Variants in CDK2AP1 observed in about 807,000 individuals in gnomAD.
CDK2AP1 encodes cyclin-dependent kinase 2-associated protein 1.
CDK2AP1 carries 10 observed loss-of-function variants against 14.1 expected under a neutral mutation model. That is an observed-to-expected ratio of 0.71 (90% confidence interval 0.44 to 1.20). The LOEUF (loss-of-function observed/expected upper bound fraction) is 1.20. Ranked by LOEUF, CDK2AP1 falls within the 50% of genes most tolerant of loss-of-function variation. The probability of loss-of-function intolerance (pLI) is 0.00; values close to 1 mark genes in which losing one functional copy is unlikely to be tolerated. For synonymous variants in CDK2AP1, 59 were observed against 59.8 expected (o/e 0.99, Z 0.06); for missense variants, 102 against 149.9 (o/e 0.68, Z 1.67).
chr12:123,270,800 G>A, intron 1 of CDK2AP1: 1 of 981,546 alleles, frequency 1.0e-6, no homozygotes. Context: ...TCCCAGATGG[G>A]GCGTCCACGT....
intron 2 of CDK2AP1, among the ~76,000 whole-genome samples, chr12:123,266,077 C>G (rs1226131627): frequency 6.6e-6 from 1 of 152,214 alleles, no homozygotes; most frequent in African/African-American, 2.4e-5. Flanking sequence ...GCCCGCAAGC[C>G]CACAAGCCCA....
At position 123,261,320 on chromosome 12, in the gene CDK2AP1, A is replaced by AGCGTGCTGTCAATAT. The variant is rs2048230497; in HGVS notation, c.*401_*415dup. 1 of 158,488 alleles carries AGCGTGCTGTCAATAT rather than the reference A, an allele frequency of 6.3e-6. No individual in the cohort carries two copies. Among genetic ancestry groups the AGCGTGCTGTCAATAT allele is most frequent in the South Asian group, 1.8e-4 (1 of 5,490 alleles). 9.8% of individuals were successfully genotyped at this position (158,488 alleles called of 1,614,324 possible). A position where few individuals can be genotyped will look rare whatever the true frequency, so the allele number is the denominator to read the frequency against. ...CAAATGGGAACCGGCTACTAAGTAAAGCGTGCTGTCAATATGCGTTCAAAA... is the reference window on the plus strand; with the variant it reads ...CAAATGGGAACCGGCTACTAAGTAAAGCGTGCTGTCAATATGCGTGCTGTCAATATGCGTTCAAAA... On this transcript the variant is annotated 3_prime_UTR_variant, in exon 4 of 4. Coordinates refer to ENST00000261692, the MANE Select transcript of CDK2AP1 (RefSeq NM_004642.4).
intron 3 of CDK2AP1, among the ~76,000 whole-genome samples, chr12:123,263,908 A>G (rs545588430): frequency 6.6e-6 from 1 of 150,524 alleles, no homozygotes; most frequent in South Asian, 2.1e-4. Context: ...AATCGAAACC[A>G]TCCTGGCCAA....
At position 123,261,673 on chromosome 12, in the gene CDK2AP1, G is replaced by T; in HGVS notation, c.*63C>A. 1 of 1,308,140 alleles carries T rather than the reference G, an allele frequency of 7.6e-7. No individual in the cohort carries two copies. Among genetic ancestry groups the T allele is most frequent in the Non-Finnish European group, 1.1e-6 (1 of 900,792 alleles). The allele number at this position is 1,308,140 out of a possible 1,614,324, so 81.0% of individuals were successfully genotyped here. On this transcript the variant is annotated 3_prime_UTR_variant, in exon 4 of 4. Coordinates refer to ENST00000261692, the MANE Select transcript of CDK2AP1 (RefSeq NM_004642.4). Reference sequence around the variant, plus strand: ...AAAACAAGGGTTTCATCTGAACAGGGGAGATGAACTGTAACTTCTCATCTT... The same window carrying T: ...AAAACAAGGGTTTCATCTGAACAGGTGAGATGAACTGTAACTTCTCATCTT...
Position 123,265,440 on chromosome 12 carries a change from T to G in CDK2AP1, c.154-118A>C. 1 of 940,826 alleles carries G rather than the reference T, an allele frequency of 1.1e-6. No individual in the cohort carries two copies. The highest frequency in any genetic ancestry group is 2.5e-5 in the East Asian group (1 of 40,582). The allele number at this position is 940,826 out of a possible 1,614,324, so 58.3% of individuals were successfully genotyped here. A position where few individuals can be genotyped will look rare whatever the true frequency, so the allele number is the denominator to read the frequency against. On this transcript the variant is annotated intron_variant, in intron 2 of 3. Transcript: ENST00000261692. The surrounding 1 kb of genome is among the most constrained non-coding windows in gnomAD (Gnocchi z 5.3). Reference sequence around the variant, plus strand: ...ACTGCTTGGACCCAGGAGGTGGAAGTTGCAGTGAGCCAAGATCACTCCACT... The same window carrying G: ...ACTGCTTGGACCCAGGAGGTGGAAGGTGCAGTGAGCCAAGATCACTCCACT...
intron 3 of CDK2AP1, among the ~76,000 whole-genome samples, chr12:123,264,853 G>T (rs1330825271): frequency 1.3e-5 from 2 of 152,088 alleles, no homozygotes; most frequent in Non-Finnish European, 2.9e-5. Flanking sequence ...GACCAGTGTC[G>T]GCCCACAGGA....
At chr12:123,270,540 G>A (rs1397516698) in intron 1 of CDK2AP1, among the ~76,000 whole-genome samples, 1 of 152,056 alleles carries the variant, frequency 6.6e-6, no homozygotes, top group African/African-American at 2.4e-5. Context: ...CTTTTGGGAA[G>A]TCTGTTTCCG....
chr12:123,270,826 C>T (rs887922602), intron 1 of CDK2AP1: 179 of 985,220 alleles, frequency 1.8e-4, no homozygotes, highest in Non-Finnish European at 2.1e-4. Context: ...ACTGCCCCCA[C>T]GCCCGCGCGC....
At chr12:123,267,435 A>G (rs2048308987) in intron 1 of CDK2AP1, 153 bp from the exon 2 acceptor site, 1 of 603,736 alleles carries the variant, frequency 1.7e-6, no homozygotes, top group African/African-American at 1.8e-5. Flanking sequence ...TGACCAGCAT[A>G]TAAGATGGAT....
At position 123,261,634 on chromosome 12, in the gene CDK2AP1, CTG is replaced by C. The variant is rs2048233465; in HGVS notation, c.*100_*101del. 3 of 979,274 alleles carry C rather than the reference CTG, an allele frequency of 3.1e-6. No individual in the cohort carries two copies. The highest frequency in any genetic ancestry group is 2.4e-5 in the East Asian group (1 of 41,152). 60.7% of individuals were successfully genotyped at this position (979,274 alleles called of 1,614,324 possible). A position where few individuals can be genotyped will look rare whatever the true frequency, so the allele number is the denominator to read the frequency against. On this transcript the variant is annotated 3_prime_UTR_variant, in exon 4 of 4. Transcript: ENST00000261692. Reference sequence around the variant, plus strand: ...GTGAACCATGGGAGGAAAAACGAAACTGTAACCATTTTGAAAACAAGGGTTTC... The same window carrying C: ...GTGAACCATGGGAGGAAAAACGAAACTAACCATTTTGAAAACAAGGGTTTC...
intron 1 of CDK2AP1, chr12:123,270,977 G>A (rs909475451): frequency 1.0e-6 from 1 of 984,624 alleles, no homozygotes; most frequent in Non-Finnish European, 1.2e-6. Context: ...GCTGCCCGCC[G>A]GCGACCCCAT....
Position 123,267,261 on chromosome 12 carries a change from G to A in CDK2AP1, c.77C>T (p.Ser26Phe). ...LNAAGSVHSP[S>F]TSMATSSQYR... ...CTGTGAAGACGTTGCCATGCTGGTG[G>A]AAGGCGAGTGGACACTCCCAGCTGT... The change falls in exon 2 of 4, where the codon TCC (serine) becomes TTC (phenylalanine). Residue 26 changes from serine (S) to phenylalanine (F), a missense_variant. Ser to Phe is a radical substitution (Grantham distance 155). Around this residue, in one of 2 missense-constraint regions of CDK2AP1, gnomAD observed 50 missense variants for 42.7 expected, o/e 1.17. Transcript: ENST00000261692. 1.2e-6 allele frequency: 2 copies of A among 1,612,214 alleles called. No individual in the cohort carries two copies. The highest frequency in any genetic ancestry group is 1.7e-6 in the Non-Finnish European group (2 of 1,178,502).
chr12:123,265,509 A>C lies in CDK2AP1; in HGVS notation c.154-187T>G, dbSNP rs1409924434. On this transcript the variant is annotated intron_variant, in intron 2 of 3. Transcript: ENST00000261692. The surrounding 1 kb of genome is among the most constrained non-coding windows in gnomAD (Gnocchi z 5.3). ...CAGAGCGAGACTCCATCTCGGGGGA[A>C]AAAAAAAAAAAAGGGTTCAGCAGCC... Among the ~76,000 whole-genome samples the C allele has an allele frequency of 4.8e-5, 2 of 41,858 alleles. No homozygotes were observed. Among genetic ancestry groups the C allele is most frequent in the Non-Finnish European group, 3.1e-4 (2 of 6,496 alleles). The allele number at this position is 41,858 out of a possible 152,430, so 27.5% of individuals were successfully genotyped here. A position where few individuals can be genotyped will look rare whatever the true frequency, so the allele number is the denominator to read the frequency against.
intron 2 of CDK2AP1, among the ~76,000 whole-genome samples, chr12:123,266,031 C>T (rs905292849): frequency 1.3e-5 from 2 of 152,124 alleles, no homozygotes; most frequent in Non-Finnish European, 2.9e-5. Context: ...AGCAAGCACC[C>T]GGATCAGCGA....
rs2271976 is a variant in CDK2AP1 at position 123,267,179 on chromosome 12, A to C, written c.153+6T>G. ...TCCCACCATGCCATCACCCCCATTG[A>C]CATACCTGGGTGTAGCCTAGGGACG... is the stretch of plus-strand genomic sequence containing the variant. On this transcript the variant is annotated splice_donor_region_variant and intron_variant, in intron 2 of 3. Coordinates refer to ENST00000261692, the MANE Select transcript of CDK2AP1 (RefSeq NM_004642.4). 0.1 allele frequency: 161,817 copies of C among 1,542,460 alleles called. 10,025 individuals are homozygous for C. The highest frequency in any genetic ancestry group is 0.29 in the East Asian group (12,759 of 44,452).
intron 2 of CDK2AP1, among the ~76,000 whole-genome samples, chr12:123,266,149 C>T (rs2048289013): frequency 6.6e-6 from 1 of 152,172 alleles, no homozygotes; most frequent in Non-Finnish European, 1.5e-5. Context: ...GAGGTCCTTG[C>T]CTCCCCCCTC....
chr12:123,268,490 C>T (rs903208505), intron 1 of CDK2AP1, among the ~76,000 whole-genome samples: 1 of 152,266 alleles, frequency 6.6e-6, no homozygotes, highest in Non-Finnish European at 1.5e-5. Flanking sequence ...TACCCCGGCA[C>T]CTGCCCCTCT....
rs1261944465 is a variant in CDK2AP1 at position 123,261,358 on chromosome 12, AGT to A, written c.*376_*377del. On this transcript the variant is annotated 3_prime_UTR_variant, in exon 4 of 4. Transcript: ENST00000261692. ...TATGCGTTCAAAACAAAATCCCTAC[AGT>A]GGTATTAGCTTATGAAAAGGAACAA... is the stretch of plus-strand genomic sequence containing the variant. 1 of 185,432 alleles carries A rather than the reference AGT, an allele frequency of 5.4e-6. No homozygotes were observed. 11.5% of individuals were successfully genotyped at this position (185,432 alleles called of 1,614,324 possible).
intron 1 of CDK2AP1, among the ~76,000 whole-genome samples, chr12:123,269,632 G>C (rs2048335131): frequency 6.6e-6 from 1 of 152,152 alleles, no homozygotes; most frequent in Non-Finnish European, 1.5e-5. Context: ...AAAGAGCGCG[G>C]GGCCTGGGGA....
Sources: allele counts gnomAD v4.1 joint callset (sites outside exome capture counted in the v4.1 genomes callset), GRCh38; gene constraint gnomAD v4.1.1; regional missense constraint gnomAD v4.1.1; non-coding constraint Gnocchi (gnomAD v3.1); transcripts MANE v1.5; gene names NCBI Gene and HGNC (gene_info 2026-07-23, HGNC 2026-07-21).